Variants in EFR3A observed in about 807,000 individuals in gnomAD.
EFR3A encodes EFR3 homolog A, also known as protein EFR3 homolog A.
EFR3A carries 76 observed loss-of-function variants against 104.4 expected under a neutral mutation model. The observed-to-expected ratio is 0.73, with a 90% CI of 0.60 to 0.88. The LOEUF (loss-of-function observed/expected upper bound fraction) is 0.88, where lower values mean the gene tolerates loss of function less well. Ranked by LOEUF, EFR3A falls within the 40% of genes least tolerant of loss-of-function variation. The pLI is 0.00. For synonymous variants in EFR3A, 330 were observed against 330.0 expected, an observed-to-expected ratio of 1.00 and a Z score of 0.00; for missense variants, 985 against 1,012.5, an observed-to-expected ratio of 0.97 and a Z score of 0.37.
At chr8:131,962,398 G>A (rs943626599) in intron 8 of EFR3A, among the ~76,000 whole-genome samples, 2 of 152,070 alleles carry the variant, frequency 1.3e-5, no homozygotes, top group African/African-American at 4.8e-5. Context: ...AAAAACGGCA[G>A]GTGTTGCAAT....
chr8:131,918,666 CAT>C (rs1447386490), intron 1 of EFR3A, among the ~76,000 whole-genome samples: 4 of 152,106 alleles, frequency 2.6e-5, no homozygotes, highest in African/African-American at 7.2e-5. Flanking sequence ...AAATCTCTAA[CAT>C]ATGGCATAGA....
chr8:131,993,108 A>G (rs1821282132), intron 18 of EFR3A, among the ~76,000 whole-genome samples: 2 of 152,184 alleles, frequency 1.3e-5, no homozygotes, highest in Non-Finnish European at 2.9e-5. Flanking sequence ...ATGCTGCTGA[A>G]CATCTTATAA....
chr8:131,923,645 C>A (rs1242649993), intron 1 of EFR3A, among the ~76,000 whole-genome samples: 1 of 151,756 alleles, frequency 6.6e-6, no homozygotes, highest in Non-Finnish European at 1.5e-5. Context: ...TTACCAAGAA[C>A]TTCAGTAGGC....
chr8:131,965,822 C>G (rs1819683827), intron 8 of EFR3A, among the ~76,000 whole-genome samples: 2 of 151,930 alleles, frequency 1.3e-5, no homozygotes, highest in Non-Finnish European at 1.5e-5. Context: ...AGATGTCCAA[C>G]AATGATAGAC....
chr8:131,986,568 G>T (rs865855077), intron 17 of EFR3A, among the ~76,000 whole-genome samples: 42 of 152,192 alleles, frequency 2.8e-4, no homozygotes, highest in South Asian at 1.9e-3. Flanking sequence ...TGAATCACCT[G>T]AGGTCAGGAG....
intron 8 of EFR3A, among the ~76,000 whole-genome samples, chr8:131,961,491 C>T (rs1412688155): frequency 5.9e-5 from 9 of 152,022 alleles, no homozygotes; most frequent in South Asian, 4.2e-4. Context: ...TGAAATGAAG[C>T]GAGAAGAGAA....
chr8:131,925,804 T>C (rs1274897381), intron 1 of EFR3A, among the ~76,000 whole-genome samples: 3 of 152,168 alleles, frequency 2.0e-5, no homozygotes, highest in African/African-American at 7.2e-5. Flanking sequence ...CTGTACTTTG[T>C]CCCTGATCCT....
chr8:131,968,580 A>G (rs1282900149), intron 9 of EFR3A, 150 bp downstream of exon 9: 16 of 756,000 alleles, frequency 2.1e-5, no homozygotes, highest in Admixed American at 6.3e-5. Context: ...GGTTCATGCA[A>G]TTATTTTCAG....
Position 131,944,754 on chromosome 8 carries a change from G to C in EFR3A, c.97G>C (p.Val33Leu). ...TTGTTATTGTTTTTAGGATGGCCTT[G>C]TGAAAACTGATATGGAGAAATTGAC... is the stretch of plus-strand genomic sequence containing the variant. Reference protein sequence around the residue: ...IFPEDPKDGLVKTDMEKLTFY... With the variant: ...IFPEDPKDGLLKTDMEKLTFY... The change falls in exon 3 of 23, where the codon GTG (valine) becomes CTG (leucine). Residue 33 changes from valine to leucine, a missense_variant. Coordinates refer to ENST00000254624, the MANE Select transcript of EFR3A (RefSeq NM_015137.6). 6.3e-7 allele frequency: 1 copy of C among 1,593,848 alleles called. No individual in the cohort carries two copies. The highest frequency in any genetic ancestry group is 8.5e-7 in the Non-Finnish European group (1 of 1,170,678).
At chr8:131,983,984 T>A (rs1586650414) in intron 14 of EFR3A, among the ~76,000 whole-genome samples, 155 bp from the exon 15 acceptor site, 1 of 152,232 alleles carries the variant, frequency 6.6e-6, no homozygotes, top group African/African-American at 2.4e-5. Context: ...TGTTTGATAT[T>A]TATAATTGAA....
chr8:131,958,515 A>C (rs1218719391), intron 7 of EFR3A, among the ~76,000 whole-genome samples: 1 of 152,074 alleles, frequency 6.6e-6, no homozygotes, highest in Non-Finnish European at 1.5e-5. Context: ...CTTCGAATGT[A>C]TAGAGCCTAG....
At chr8:131,976,252 T>G (rs1820322739) in intron 11 of EFR3A, 111 bp downstream of exon 11, 1 of 718,002 alleles carries the variant, frequency 1.4e-6, no homozygotes, top group East Asian at 2.8e-5. Context: ...AGTAATAGCA[T>G]TCCTATGGAA....
rs765914143 is a variant in EFR3A, at chr8:131,978,993, C to T, written c.1473C>T (p.Asp491=). 7 of 1,610,976 alleles carry T rather than the reference C, an allele frequency of 4.3e-6. No individual in the cohort carries two copies. In the Admixed American group the frequency reaches 1.0e-4, roughly 23 times the overall value. Residue 491 remains aspartate, a synonymous_variant, in exon 13 of 23, where the codon GAC becomes GAT. Transcript: ENST00000254624. ...EVMHNLMDRH[D]NRAKLRGIRI... ...TGCATAATCTCATGGATCGTCATGA[C>T]AATAGGGCAAAGCTTCGAGGGATCA...
At chr8:132,000,125 GTTCT>G (rs921319690) in intron 19 of EFR3A, among the ~76,000 whole-genome samples, 1 of 152,000 alleles carries the variant, frequency 6.6e-6, no homozygotes, top group African/African-American at 2.4e-5. Context: ...TGACTTAGGG[GTTCT>G]TTTTTTGTTT....
chr8:131,937,454 C>T (rs1352667523), intron 1 of EFR3A, among the ~76,000 whole-genome samples: 2 of 152,154 alleles, frequency 1.3e-5, no homozygotes, highest in African/African-American at 4.8e-5. Context: ...ATAATTTATC[C>T]ACTGTGTCTG....
At chr8:131,956,032 G>A in intron 7 of EFR3A, 127 bp downstream of exon 7, 3 of 1,096,426 alleles carry the variant, frequency 2.7e-6, no homozygotes, top group East Asian at 2.6e-5. Context: ...GTGTAACATT[G>A]TGAAAGTAGT....
Position 132,011,221 on chromosome 8 carries a change from G to A in EFR3A, c.*326G>A, listed in dbSNP as rs909189183. On this transcript the variant is annotated 3_prime_UTR_variant, in exon 23 of 23. Transcript: ENST00000254624. ...AAATGTAATGTTTTTTAAAAAGTAA[G>A]CCTTCAGAGGATTGAAACTGTATAA... The A allele has an allele frequency of 2.0e-6, 2 of 1,011,690 alleles. No individual in the cohort carries two copies. Among genetic ancestry groups the A allele is most frequent in the East Asian group, 8.8e-5 (1 of 11,376 alleles). The allele number at this position is 1,011,690 out of a possible 1,614,324, so 62.7% of individuals were successfully genotyped here.
At chr8:131,921,948 A>C (rs1038233620) in intron 1 of EFR3A, among the ~76,000 whole-genome samples, 2 of 152,208 alleles carry the variant, frequency 1.3e-5, no homozygotes, top group African/African-American at 4.8e-5. Flanking sequence ...ACAAGGTAGC[A>C]CAAACTGGGT....
chr8:131,947,505 T>C (rs770249805), intron 4 of EFR3A, among the ~76,000 whole-genome samples: 3 of 151,988 alleles, frequency 2.0e-5, no homozygotes, highest in Non-Finnish European at 4.4e-5. Flanking sequence ...CACTAAAGTT[T>C]TGATTTTGAT....
Sources: allele counts gnomAD v4.1 joint callset (sites outside exome capture counted in the v4.1 genomes callset), GRCh38; gene constraint gnomAD v4.1.1; transcripts MANE v1.5; gene names NCBI Gene and HGNC (gene_info 2026-07-23, HGNC 2026-07-21).